PDE4B: variants seen among roughly 807,000 people sequenced by gnomAD.
PDE4B encodes the protein phosphodiesterase 4B.
A neutral mutation model predicts 82.2 loss-of-function variants in PDE4B; 20 were observed. The observed-to-expected ratio is 0.24, with a 90% CI of 0.17 to 0.35. The LOEUF (loss-of-function observed/expected upper bound fraction) is 0.35. PDE4B is among the 10% of genes least tolerant of loss of function. The probability of loss-of-function intolerance (pLI) is 1.00; values close to 1 mark genes in which losing one functional copy is unlikely to be tolerated. For synonymous variants in PDE4B, 320 were observed against 318.9 expected, an observed-to-expected ratio of 1.00 and a Z score of -0.04; for missense variants, 655 against 907.2, an observed-to-expected ratio of 0.72 and a Z score of 3.57.
intron 3 of PDE4B, among the ~76,000 whole-genome samples, chr1:66,217,644 G>T (rs1650570468): frequency 6.6e-6 from 1 of 151,992 alleles, no homozygotes; most frequent in Admixed American, 6.6e-5. Flanking sequence ...TAGCTCAGTT[G>T]TTTTGCATAT....
At chr1:66,263,352 A>C (rs1445398907) in intron 6 of PDE4B, among the ~76,000 whole-genome samples, 1 of 152,234 alleles carries the variant, frequency 6.6e-6, no homozygotes, top group African/African-American at 2.4e-5. Context: ...AACTGAGCAA[A>C]ATGTGTGCAA....
chr1:65,805,620 G>A (rs929157637), intron 1 of PDE4B, among the ~76,000 whole-genome samples: 2 of 151,754 alleles, frequency 1.3e-5, no homozygotes, highest in African/African-American at 4.8e-5. Context: ...TTAATCTTTT[G>A]TATTGATAGG....
intron 1 of PDE4B, among the ~76,000 whole-genome samples, chr1:65,824,434 T>G (rs1480862304): frequency 6.6e-6 from 1 of 151,986 alleles, no homozygotes; most frequent in Non-Finnish European, 1.5e-5. Context: ...TTTTAGGAAT[T>G]AAATCTGGTG....
At chr1:65,813,785 G>T (rs936739053) in intron 1 of PDE4B, among the ~76,000 whole-genome samples, 3 of 151,124 alleles carry the variant, frequency 2.0e-5, no homozygotes, top group African/African-American at 7.3e-5. Context: ...AGCAGTGCAA[G>T]AGTAGGAGAA....
intron 7 of PDE4B, among the ~76,000 whole-genome samples, chr1:66,290,184 C>T (rs780440603): frequency 3.3e-5 from 5 of 152,148 alleles, no homozygotes; most frequent in Middle Eastern, 3.4e-3. Flanking sequence ...AAGAGTTGCA[C>T]AGATCTAGAA....
intron 7 of PDE4B, among the ~76,000 whole-genome samples, chr1:66,297,364 AG>A (rs1217731961): frequency 6.6e-6 from 1 of 152,130 alleles, no homozygotes; most frequent in Non-Finnish European, 1.5e-5. Flanking sequence ...GCTACAACGA[AG>A]GTATTGTTTT....
intron 3 of PDE4B, among the ~76,000 whole-genome samples, chr1:66,007,646 C>T (rs78988588): frequency 0.01 from 1,530 of 152,176 alleles, 21 homozygotes; most frequent in African/African-American, 0.035. Context: ...CAGTAGTGAG[C>T]TATACTTGAG....
intron 3 of PDE4B, among the ~76,000 whole-genome samples, chr1:66,168,661 G>A (rs1646781998): frequency 6.6e-6 from 1 of 152,176 alleles, no homozygotes; most frequent in South Asian, 2.1e-4. Flanking sequence ...GTGAATAGAA[G>A]GGAGGCCAAC....
At position 65,798,564 on chromosome 1, in the gene PDE4B, G is replaced by A. The variant is rs1264728577; in HGVS notation, c.-71+5316G>A. On this transcript the variant is annotated intron_variant, in intron 1 of 16. Transcript: ENST00000341517. ...TGAGCCACCGCGCCCGGCCGTGCCAGGCTAGTCTTGAACTCCTGACCTCAA... is the reference window on the plus strand; with the variant it reads ...TGAGCCACCGCGCCCGGCCGTGCCAAGCTAGTCTTGAACTCCTGACCTCAA... 1.3e-5 allele frequency among the ~76,000 whole-genome samples: 2 copies of A among 148,362 alleles called. 1 individual carries two copies. Among genetic ancestry groups the A allele is most frequent in the Non-Finnish European group, 3.0e-5 (2 of 67,442 alleles).
chr1:65,964,015 T>G (rs1261650403), intron 3 of PDE4B, among the ~76,000 whole-genome samples: 1 of 152,198 alleles, frequency 6.6e-6, no homozygotes, highest in African/African-American at 2.4e-5. Flanking sequence ...TAAAAGCAAT[T>G]ATTTTCCCTG....
At chr1:66,222,476 A>G (rs991130344) in intron 3 of PDE4B, among the ~76,000 whole-genome samples, 19 of 152,246 alleles carry the variant, frequency 1.2e-4, no homozygotes, top group African/African-American at 4.6e-4. Context: ...CCTTTCTACT[A>G]TCTTCCTGAG....
chr1:66,319,875 A>G (rs993883532), intron 7 of PDE4B, among the ~76,000 whole-genome samples: 3 of 152,152 alleles, frequency 2.0e-5, no homozygotes, highest in East Asian at 1.9e-4. Flanking sequence ...GCAGTTTCCA[A>G]TGGTTCCTTC....
chr1:66,129,258 G>A (rs926830898), intron 3 of PDE4B, among the ~76,000 whole-genome samples: 9 of 152,126 alleles, frequency 5.9e-5, no homozygotes, highest in African/African-American at 9.7e-5. Flanking sequence ...TTTTGAAATA[G>A]AAAACAAGAT....
chr1:66,313,205 C>T (rs906927590), intron 7 of PDE4B, among the ~76,000 whole-genome samples: 13 of 152,188 alleles, frequency 8.5e-5, no homozygotes, highest in African/African-American at 2.9e-4. Context: ...TCCTATTTAT[C>T]CTTTAAAACC....
chr1:66,129,418 G>T (rs2101104178), intron 3 of PDE4B, among the ~76,000 whole-genome samples: 1 of 152,032 alleles, frequency 6.6e-6, no homozygotes, highest in South Asian at 2.1e-4. Flanking sequence ...AGCACTTTGG[G>T]AGGCCGAGGC....
chr1:65,887,045 T>C (rs1646786243), intron 1 of PDE4B, among the ~76,000 whole-genome samples: 1 of 152,106 alleles, frequency 6.6e-6, no homozygotes, highest in South Asian at 2.1e-4. Context: ...ATTTTTTTTG[T>C]TTTAATAGTC....
intron 3 of PDE4B, among the ~76,000 whole-genome samples, chr1:65,944,657 A>T (rs1255676550): frequency 1.3e-5 from 2 of 151,982 alleles, no homozygotes; most frequent in Non-Finnish European, 2.9e-5. Context: ...AAGACAATGG[A>T]GATGACCAGC....
At chr1:66,148,394 C>T (rs1646317585) in intron 3 of PDE4B, among the ~76,000 whole-genome samples, 1 of 152,076 alleles carries the variant, frequency 6.6e-6, no homozygotes, top group South Asian at 2.1e-4. Context: ...CCTGTCTATT[C>T]TTGAAGGATG....
At chr1:66,277,815 G>A (rs764062202) in intron 7 of PDE4B, among the ~76,000 whole-genome samples, 1 of 152,144 alleles carries the variant, frequency 6.6e-6, no homozygotes, top group Non-Finnish European at 1.5e-5. Context: ...CCCCTTCCAT[G>A]TACCTCCTGG....
Sources: allele counts gnomAD v4.1 joint callset (sites outside exome capture counted in the v4.1 genomes callset), GRCh38; gene constraint gnomAD v4.1.1; transcripts MANE v1.5; gene names NCBI Gene and HGNC (gene_info 2026-07-23, HGNC 2026-07-21).